The following C12orf42 variants were observed in gnomAD, a reference collection of about 807,000 sequenced individuals.
C12orf42 encodes the protein chromosome 12 open reading frame 42.
C12orf42 carries 25 observed loss-of-function variants against 21.6 expected under a neutral mutation model. The ratio of observed to expected loss-of-function variants is 1.16; its 90% CI spans 0.84 to 1.62. The LOEUF (loss-of-function observed/expected upper bound fraction) is 1.62. Among genes scored for constraint, C12orf42 ranks in the 40% most tolerant of loss-of-function variants. The probability of loss-of-function intolerance (pLI) is 0.00; values close to 1 mark genes in which losing one functional copy is unlikely to be tolerated. For synonymous variants in C12orf42, 174 were observed against 175.0 expected, an observed-to-expected ratio of 0.99 and a Z score of 0.05; for missense variants, 483 against 459.3, an observed-to-expected ratio of 1.05 and a Z score of -0.47.
chr12:103,417,786 T>G (rs918486540), intron 2 of C12orf42, among the ~76,000 whole-genome samples: 1 of 152,166 alleles, frequency 6.6e-6, no homozygotes, highest in African/African-American at 2.4e-5. Flanking sequence ...GGATAAGAAG[T>G]GGTTGGACTG....
At chr12:103,089,114 A>AAAAAAG in the C12orf42 span, among the ~76,000 whole-genome samples, 1 of 150,832 alleles carries the variant, frequency 6.6e-6, no homozygotes, top group Admixed American at 6.6e-5. Flanking sequence ...AAAAAAAAAA[A>AAAAAAG]AAAAAAAAAA....
chr12:103,401,508 CAA>C, intron 3 of C12orf42, 97 bp downstream of exon 3: 1 of 1,000,694 alleles, frequency 1.0e-6, no homozygotes, highest in Non-Finnish European at 1.5e-6. Context: ...GCTATAAAGT[CAA>C]AAATACAAAG....
At chr12:103,490,759 C>A (rs1955134152) in intron 1 of C12orf42, among the ~76,000 whole-genome samples, 2 of 151,640 alleles carry the variant, frequency 1.3e-5, no homozygotes, top group South Asian at 4.1e-4. Context: ...AAATAAGTAT[C>A]TATCTCTTTC....
intron 4 of C12orf42, chr12:103,368,015 C>G: frequency 8.1e-7 from 1 of 1,232,342 alleles, no homozygotes; most frequent in Non-Finnish European, 1.1e-6. Context: ...CAGTTACCTG[C>G]TTTATCAGTT....
At chr12:103,299,660 C>T (rs2037526313), downstream of C12orf42, among the ~76,000 whole-genome samples, 1 of 152,162 alleles carries the variant, frequency 6.6e-6, no homozygotes, top group African/African-American at 2.4e-5. Context: ...GTCTTCACTG[C>T]CTGTGCTACA....
At chr12:103,207,328 G>C in the C12orf42 span, among the ~76,000 whole-genome samples, 19 of 152,340 alleles carry the variant, frequency 1.2e-4, no homozygotes, top group African/African-American at 4.6e-4. Context: ...CCTAACAGGG[G>C]ATCCTGATAC....
At chr12:103,445,644 T>C (rs891080788) in intron 2 of C12orf42, among the ~76,000 whole-genome samples, 5 of 152,062 alleles carry the variant, frequency 3.3e-5, no homozygotes, top group Admixed American at 3.3e-4. Context: ...TTATGTGCCC[T>C]AGATATTCTT....
At chr12:103,050,768 C>T in the C12orf42 span, among the ~76,000 whole-genome samples, 1 of 151,820 alleles carries the variant, frequency 6.6e-6, no homozygotes, top group Non-Finnish European at 1.5e-5. Context: ...GGGAACTTTA[C>T]ATACCAAACA....
chr12:103,427,332 T>A (rs1949912649), intron 2 of C12orf42, among the ~76,000 whole-genome samples: 2 of 147,370 alleles, frequency 1.4e-5, no homozygotes, highest in African/African-American at 2.5e-5. Context: ...TCCTAGTCTC[T>A]GATAAAACAG....
At chr12:103,385,197 TA>T (rs2046501097) in intron 3 of C12orf42, among the ~76,000 whole-genome samples, 1 of 152,198 alleles carries the variant, frequency 6.6e-6, no homozygotes, top group Non-Finnish European at 1.5e-5. Context: ...ACTACTAAGT[TA>T]AGAAACACTA....
intron 2 of C12orf42, among the ~76,000 whole-genome samples, chr12:103,425,616 T>C (rs993579973): frequency 6.6e-6 from 1 of 151,880 alleles, no homozygotes; most frequent in Non-Finnish European, 1.5e-5. Flanking sequence ...GAAGGAAAAA[T>C]AACAAACAGA....
At chr12:103,552,770 G>A in the C12orf42 span, among the ~76,000 whole-genome samples, 10,309 of 152,136 alleles carry the variant, frequency 0.068, 470 homozygotes, top group East Asian at 0.18. Flanking sequence ...ACATACCCAA[G>A]ACTGAGTAAT....
the C12orf42 span, among the ~76,000 whole-genome samples, chr12:103,229,244 G>C: frequency 6.6e-6 from 1 of 152,062 alleles, no homozygotes; most frequent in African/African-American, 2.4e-5. Flanking sequence ...GGATATTTCC[G>C]GTCTTCATTT....
chr12:103,394,429 G>A (rs117869587), intron 3 of C12orf42, among the ~76,000 whole-genome samples: 11 of 152,264 alleles, frequency 7.2e-5, no homozygotes, highest in Non-Finnish European at 1.6e-4. Flanking sequence ...ATGCATTCTG[G>A]CTTGTTCTTT....
the C12orf42 span, among the ~76,000 whole-genome samples, chr12:103,062,577 T>A: frequency 5.3e-5 from 8 of 152,128 alleles, no homozygotes; most frequent in Non-Finnish European, 8.8e-5. Context: ...TTATTTCTAA[T>A]TATTTTGCCG....
At chr12:103,358,822 G>A (rs2043816624) in intron 4 of C12orf42, among the ~76,000 whole-genome samples, 1 of 151,872 alleles carries the variant, frequency 6.6e-6, no homozygotes, top group Non-Finnish European at 1.5e-5. Context: ...TTCCTCACTT[G>A]TTCCCCCCTA....
the C12orf42 span, among the ~76,000 whole-genome samples, chr12:103,553,660 C>A: frequency 1.3e-5 from 2 of 152,248 alleles, no homozygotes; most frequent in Non-Finnish European, 2.9e-5. Flanking sequence ...TGATGCTTGG[C>A]AAATGTGCAG....
At chr12:103,361,364 A>C (rs2044088600) in intron 4 of C12orf42, among the ~76,000 whole-genome samples, 1 of 152,144 alleles carries the variant, frequency 6.6e-6, no homozygotes, top group South Asian at 2.1e-4. Context: ...AAGCAGCAGG[A>C]AAAGCCCTGT....
the C12orf42 span, among the ~76,000 whole-genome samples, chr12:103,101,963 C>T: frequency 2.0e-5 from 3 of 152,164 alleles, no homozygotes; most frequent in Non-Finnish European, 2.9e-5. Context: ...TGCATGGTAC[C>T]AAGAGAAAGA....
Sources: gnomAD v4.1 joint callset for allele counts (sites outside exome capture counted in the v4.1 genomes callset) on GRCh38, gnomAD v4.1.1 for gene constraint, MANE v1.5 for transcripts, NCBI Gene and HGNC (gene_info 2026-07-23, HGNC 2026-07-21) for gene names.